Variants in CAPN15 observed in about 807,000 individuals in gnomAD.
CAPN15 encodes calpain-15.
CAPN15 carries 53 observed loss-of-function variants against 97.9 expected under a neutral mutation model. The ratio of observed to expected loss-of-function variants is 0.54; its 90% CI spans 0.43 to 0.68. CAPN15 has a LOEUF of 0.68. Ranked by LOEUF, CAPN15 falls within the 30% of genes least tolerant of loss-of-function variation. The pLI, the probability that CAPN15 is intolerant of heterozygous loss-of-function variation, is 0.00. For missense variants in CAPN15, 1,592 were observed against 1,589.8 expected (o/e 1.00, Z -0.02); for synonymous variants, 922 against 722.5 (o/e 1.28, Z -4.43).
rs542971308 is a variant in CAPN15, at chr16:553,970, C to T, written c.*454C>T. 1.7e-4 allele frequency: 33 copies of T among 188,952 alleles called. No individual in the cohort carries two copies. The East Asian group carries it at 4.3e-3, about 25-fold the overall frequency. 11.7% of individuals were successfully genotyped at this position (188,952 alleles called of 1,614,324 possible). ...GTCAGTTTTCCCCCAGAGCCCGGGT[C>T]CCTGTCCCCCACAGGGCAGGCGGGG... On this transcript the variant is annotated 3_prime_UTR_variant, in exon 14 of 14. Transcript: ENST00000219611.
At chr16:534,980 A>G (rs539239299) in intron 2 of CAPN15, among the ~76,000 whole-genome samples, 57 of 152,192 alleles carry the variant, frequency 3.7e-4, no homozygotes, top group African/African-American at 1.4e-3. Context: ...TCGGGGGTAC[A>G]GCCGTGTACA....
chr16:530,410 G>A (rs373329701), intron 1 of CAPN15, among the ~76,000 whole-genome samples: 2 of 152,244 alleles, frequency 1.3e-5, no homozygotes, highest in Admixed American at 1.3e-4. Flanking sequence ...AGCCCAGGGG[G>A]ACTCCTGCGT....
At position 551,880 on chromosome 16, in the gene CAPN15, G is replaced by A. The variant is rs541734208; in HGVS notation, c.2346-171G>A. ...GCGCCCTGAAGAGCCGGCCCTGGAGGGCTTCCTATTATAGGCCTCAGGGAT... is the reference window on the plus strand; with the variant it reads ...GCGCCCTGAAGAGCCGGCCCTGGAGAGCTTCCTATTATAGGCCTCAGGGAT... On this transcript the variant is annotated intron_variant, in intron 9 of 13. Transcript: ENST00000219611. 1.6e-5 allele frequency: 16 copies of A among 975,678 alleles called. 1 individual carries two copies. The highest frequency in any genetic ancestry group is 1.5e-4 in the African/African-American group (9 of 61,688). 60.4% of individuals were successfully genotyped at this position (975,678 alleles called of 1,614,324 possible). A position where few individuals can be genotyped will look rare whatever the true frequency, so the allele number is the denominator to read the frequency against.
At chr16:546,743 C>T in intron 3 of CAPN15, 74 bp from the exon 4 acceptor site, 3 of 1,471,992 alleles carry the variant, frequency 2.0e-6, no homozygotes, top group Admixed American at 4.8e-5. Context: ...GTGCCTTCCC[C>T]AGGCCGAGAG....
At chr16:553,101 CA>C (rs1596366031) in intron 13 of CAPN15, 60 bp downstream of exon 13, 43 of 921,236 alleles carry the variant, frequency 4.7e-5, no homozygotes, top group South Asian at 1.7e-4. Context: ...TACCCCGCTG[CA>C]CCCACACCCA....
At chr16:542,070 C>T (rs2034156913) in intron 3 of CAPN15, among the ~76,000 whole-genome samples, 1 of 120,858 alleles carries the variant, frequency 8.3e-6, no homozygotes, top group African/African-American at 3.1e-5. Flanking sequence ...CGTGGGGCCA[C>T]AGGACGTGGG....
rs1422010741 is a variant in CAPN15 at position 533,958 on chromosome 16, A to G, written c.-177A>G. On this transcript the variant is annotated 5_prime_UTR_variant, in exon 2 of 14. Coordinates refer to ENST00000219611, the MANE Select transcript of CAPN15 (RefSeq NM_005632.3). ...CCTCCCTTTCTAGGCAGCAGCCCAG[A>G]CGCGGCACAGAGAGGGCCTGGGAGC... The G allele has an allele frequency of 2.0e-6, 2 of 985,338 alleles. No homozygotes were observed. The highest frequency in any genetic ancestry group is 1.7e-5 in the African/African-American group (1 of 57,240). 61.0% of individuals were successfully genotyped at this position (985,338 alleles called of 1,614,324 possible).
At chr16:536,412 C>T (rs933579733) in intron 3 of CAPN15, among the ~76,000 whole-genome samples, 17 of 140,220 alleles carry the variant, frequency 1.2e-4, no homozygotes, top group Non-Finnish European at 2.4e-4. Flanking sequence ...TAGGGGAACG[C>T]GGGCTGGGAG....
At chr16:551,158 C>T in intron 7 of CAPN15, 144 bp from the exon 8 acceptor site, 1 of 1,311,134 alleles carries the variant, frequency 7.6e-7, no homozygotes, top group Middle Eastern at 2.9e-4. Flanking sequence ...TGAGGGCGCC[C>T]CGTCGGTGAG....
At chr16:551,842 T>A in intron 9 of CAPN15, 178 bp downstream of exon 9, 1 of 1,006,168 alleles carries the variant, frequency 9.9e-7, no homozygotes, top group Non-Finnish European at 1.5e-6. Flanking sequence ...TCCACCCAGG[T>A]CAGCAGATTC....
intron 4 of CAPN15, among the ~76,000 whole-genome samples, chr16:548,493 TGACCGA>T: frequency 6.6e-6 from 1 of 152,312 alleles, no homozygotes; most frequent in Middle Eastern, 3.4e-3. Context: ...TCCTTGCTGG[TGACCGA>T]GATGCACGAC....
At chr16:533,885 TC>T in intron 1 of CAPN15, 60 bp from the exon 2 acceptor site, 1 of 862,752 alleles carries the variant, frequency 1.2e-6, no homozygotes, top group Non-Finnish European at 1.4e-6. Flanking sequence ...GGCTCTGTGT[TC>T]CAGGGTCAGA....
intron 7 of CAPN15, among the ~76,000 whole-genome samples, chr16:550,733 C>CTGTCGGTGAGGGTCCCCT (rs145905062): frequency 3.2e-4 from 3 of 9,352 alleles, no homozygotes; most frequent in Non-Finnish European, 9.7e-4. Flanking sequence ...TGAGGGTCCC[C>CTGTCGGTGAGGGTCCCCT]GTCGGTGAGG....
intron 1 of CAPN15, among the ~76,000 whole-genome samples, chr16:530,418 C>G (rs552331196): frequency 4.1e-4 from 63 of 152,356 alleles, no homozygotes; most frequent in Admixed American, 9.8e-4. Context: ...GGGACTCCTG[C>G]GTGCTCCAGG....
chr16:552,864 G>A lies in CAPN15; in HGVS notation c.2906G>A (p.Gly969Asp). The change falls in exon 13 of 14, where the codon GGC becomes GAC. Residue 969 changes from glycine (G) to aspartate (D), a missense_variant and splice_region_variant. Around this residue, in one of 3 missense-constraint regions of CAPN15, gnomAD observed 644 missense variants for 699.6 expected, o/e 0.92. Coordinates refer to ENST00000219611, the MANE Select transcript of CAPN15 (RefSeq NM_005632.3). The surrounding 1 kb of genome is among the most constrained non-coding windows in gnomAD (Gnocchi z 6.4). The part of the protein sequence containing the change: ...LTESRGERHE[G>D]REGMTCYYLT... The stretch of plus-strand genomic sequence containing the variant: ...CACAACTGCCATTCCTGTGCCCAGG[G>A]CCGTGAGGGCATGACCTGCTACTAC... The A allele has an allele frequency of 1.9e-6, 3 of 1,600,310 alleles. No individual in the cohort carries two copies. The highest frequency in any genetic ancestry group is 2.6e-6 in the Non-Finnish European group (3 of 1,172,300).
chr16:551,766 C>G, intron 9 of CAPN15, 102 bp downstream of exon 9: 1 of 1,465,874 alleles, frequency 6.8e-7, no homozygotes, highest in South Asian at 1.2e-5. Flanking sequence ...TGGGGTGGGG[C>G]GGCTTGTTCG....
At chr16:531,556 G>A (rs1462889321) in intron 1 of CAPN15, among the ~76,000 whole-genome samples, 5 of 152,220 alleles carry the variant, frequency 3.3e-5, no homozygotes, top group Non-Finnish European at 7.3e-5. Context: ...GGGGAAAGAG[G>A]TGCCACGAGG....
Position 552,397 on chromosome 16 carries a change from C to T in CAPN15, c.2604C>T (p.Leu868=), listed in dbSNP as rs936247247. Residue 868 remains leucine (L), a synonymous_variant, in exon 11 of 14, where the codon CTC becomes CTT. Transcript: ENST00000219611. This position sits in a 1 kb window ranked among gnomAD's most constrained non-coding sequence, Gnocchi z 6.4. ...GSGGHLSLGR[L]LAHSKRAVKK... ...GCGGCCACCTCAGCCTGGGCCGCCTCCTGGCCCACAGTAAGCGCGCGGTCA... is the reference window on the plus strand; with the variant it reads ...GCGGCCACCTCAGCCTGGGCCGCCTTCTGGCCCACAGTAAGCGCGCGGTCA... The T allele has an allele frequency of 6.2e-7, 1 of 1,607,538 alleles. No individual in the cohort carries two copies. The highest frequency in any genetic ancestry group is 1.3e-5 in the African/African-American group (1 of 74,978).
chr16:536,545 C>T (rs1023709670), intron 3 of CAPN15, among the ~76,000 whole-genome samples: 3 of 152,166 alleles, frequency 2.0e-5, no homozygotes, highest in Non-Finnish European at 2.9e-5. Flanking sequence ...GCCTCAGCCT[C>T]CCAAGTAGCT....
Sources: gnomAD v4.1 joint callset for allele counts (sites outside exome capture counted in the v4.1 genomes callset) on GRCh38, gnomAD v4.1.1 for gene constraint, gnomAD v4.1.1 regional missense constraint, Gnocchi (gnomAD v3.1) non-coding constraint, MANE v1.5 for transcripts, NCBI Gene and HGNC (gene_info 2026-07-23, HGNC 2026-07-21) for gene names.